The following GPR158 variants were observed in gnomAD, a reference collection of about 807,000 sequenced individuals.
GPR158 encodes G protein-coupled receptor 158.
GPR158 carries 30 observed loss-of-function variants against 78.2 expected under a neutral mutation model. The observed-to-expected ratio is 0.38, with a 90% CI of 0.29 to 0.52. GPR158 has a LOEUF of 0.52. GPR158 is among the 20% of genes least tolerant of loss of function. The probability of loss-of-function intolerance (pLI) is 0.83; values close to 1 mark genes in which losing one functional copy is unlikely to be tolerated. For missense variants in GPR158, 1,463 were observed against 1,523.5 expected, an observed-to-expected ratio of 0.96 and a Z score of 0.66; for synonymous variants, 581 against 591.1, an observed-to-expected ratio of 0.98 and a Z score of 0.25.
At chr10:25,381,853 C>A (rs1024221433) in intron 2 of GPR158, among the ~76,000 whole-genome samples, 1 of 152,160 alleles carries the variant, frequency 6.6e-6, no homozygotes, top group Admixed American at 6.5e-5. Flanking sequence ...AAATCAAGCA[C>A]ACATGAAGTT....
intron 2 of GPR158, among the ~76,000 whole-genome samples, chr10:25,281,053 T>C (rs758012772): frequency 6.6e-6 from 1 of 151,336 alleles, no homozygotes; most frequent in African/African-American, 2.4e-5. Flanking sequence ...AAGAATCGCT[T>C]GAACCTTGGA....
At chr10:25,338,481 TATACGTATA>T (rs1855250977) in intron 2 of GPR158, among the ~76,000 whole-genome samples, 1 of 129,666 alleles carries the variant, frequency 7.7e-6, no homozygotes, top group African/African-American at 3.3e-5. Context: ...ATACGTATAA[TATACGTATA>T]ATATACGTAT....
intron 7 of GPR158, among the ~76,000 whole-genome samples, 164 bp from the exon 8 acceptor site, chr10:25,588,839 CTGAA>C (rs1837303558): frequency 6.6e-6 from 1 of 152,118 alleles, no homozygotes; most frequent in Non-Finnish European, 1.5e-5. Flanking sequence ...ATTCCATAAA[CTGAA>C]TGAAATTTAA....
At chr10:25,284,905 T>C (rs1329092325) in intron 2 of GPR158, among the ~76,000 whole-genome samples, 1 of 152,128 alleles carries the variant, frequency 6.6e-6, no homozygotes, top group Non-Finnish European at 1.5e-5. Flanking sequence ...TAATTACTTC[T>C]TATTCTTTTT....
intron 6 of GPR158, among the ~76,000 whole-genome samples, chr10:25,563,532 T>C (rs1836885769): frequency 6.6e-6 from 1 of 152,212 alleles, no homozygotes; most frequent in South Asian, 2.1e-4. Flanking sequence ...GCCTGCTTGG[T>C]AAATCGATAG....
intron 8 of GPR158, among the ~76,000 whole-genome samples, chr10:25,591,021 TA>T (rs1837333244): frequency 6.6e-6 from 1 of 152,140 alleles, no homozygotes; most frequent in East Asian, 1.9e-4. Flanking sequence ...TTTAAAAGTT[TA>T]ATAAGGCAAT....
intron 7 of GPR158, among the ~76,000 whole-genome samples, chr10:25,579,211 T>C (rs1190244461): frequency 1.3e-5 from 2 of 151,892 alleles, no homozygotes; most frequent in Non-Finnish European, 2.9e-5. Flanking sequence ...CAATTGTCCA[T>C]GTTCAGGATT....
At chr10:25,293,095 T>A (rs1196820792) in intron 2 of GPR158, among the ~76,000 whole-genome samples, 3 of 152,232 alleles carry the variant, frequency 2.0e-5, no homozygotes, top group Admixed American at 2.0e-4. Flanking sequence ...TACATTGATC[T>A]CTAAATGAAG....
chr10:25,273,405 T>TTTTA (rs1854143040), intron 2 of GPR158, among the ~76,000 whole-genome samples: 1 of 142,226 alleles, frequency 7.0e-6, no homozygotes, highest in Admixed American at 6.7e-5. Context: ...GGCATCTTTT[T>TTTTA]TTTTTTTTTT....
chr10:25,298,079 C>A (rs1037893225), intron 2 of GPR158, among the ~76,000 whole-genome samples: 1 of 152,120 alleles, frequency 6.6e-6, no homozygotes, highest in Non-Finnish European at 1.5e-5. Flanking sequence ...AATATTTAAA[C>A]AATAAGTGCT....
chr10:25,470,796 AAAT>A lies in GPR158; in HGVS notation c.1404+4078_1404+4080del, dbSNP rs1332472574. 2.0e-5 allele frequency among the ~76,000 whole-genome samples: 3 copies of A among 152,310 alleles called. No individual in the cohort carries two copies. In the East Asian group the frequency reaches 5.8e-4, roughly 29 times the overall value. ...CACCTAATAAAGAATGAAATATCTG[AAAT>A]GACCTCAGTAACCTGATGAAAATTT... On this transcript the variant is annotated intron_variant, in intron 5 of 10. Coordinates refer to ENST00000376351, the MANE Select transcript of GPR158 (RefSeq NM_020752.3).
chr10:25,521,859 G>A (rs151189452), intron 5 of GPR158, among the ~76,000 whole-genome samples: 1 of 152,166 alleles, frequency 6.6e-6, no homozygotes, highest in Non-Finnish European at 1.5e-5. Flanking sequence ...GAAAACTGCT[G>A]CCAAAAGGTA....
At chr10:25,205,765 T>C (rs925551671) in intron 1 of GPR158, among the ~76,000 whole-genome samples, 3 of 152,214 alleles carry the variant, frequency 2.0e-5, no homozygotes, top group African/African-American at 7.2e-5. Flanking sequence ...TATTAATTTC[T>C]CTTTTTCTAT....
intron 1 of GPR158, among the ~76,000 whole-genome samples, chr10:25,186,349 T>C (rs1045139201): frequency 6.6e-6 from 1 of 151,924 alleles, no homozygotes; most frequent in South Asian, 2.1e-4. Context: ...AAAAGCTAGC[T>C]AAAGGCAAGA....
chr10:25,582,762 T>A (rs1235813945), intron 7 of GPR158, among the ~76,000 whole-genome samples: 1 of 152,208 alleles, frequency 6.6e-6, no homozygotes, highest in Non-Finnish European at 1.5e-5. Flanking sequence ...CAAAGGTAGA[T>A]AATCTACAAA....
At chr10:25,469,470 A>G (rs988319642) in intron 5 of GPR158, among the ~76,000 whole-genome samples, 4 of 152,160 alleles carry the variant, frequency 2.6e-5, no homozygotes, top group African/African-American at 7.2e-5. Context: ...TCTTTCTCTC[A>G]TATTAGAAAA....
intron 7 of GPR158, 57 bp from the exon 8 acceptor site, chr10:25,588,950 G>A (rs1283197624): frequency 1.6e-6 from 2 of 1,273,050 alleles, no homozygotes; most frequent in Admixed American, 4.2e-5. Flanking sequence ...GCATGCTAAA[G>A]AAGAATTTTA....
intron 2 of GPR158, among the ~76,000 whole-genome samples, chr10:25,345,964 T>C (rs1283935960): frequency 6.6e-6 from 1 of 151,914 alleles, no homozygotes; most frequent in Non-Finnish European, 1.5e-5. Context: ...CTGTGAGCAG[T>C]ATGTCCTGCT....
chr10:25,334,460 G>A (rs1855170466), intron 2 of GPR158, among the ~76,000 whole-genome samples: 1 of 152,026 alleles, frequency 6.6e-6, no homozygotes. Context: ...AAGCTTCAAT[G>A]CATATGACAA....
Sources: allele counts gnomAD v4.1 joint callset (sites outside exome capture counted in the v4.1 genomes callset), GRCh38; gene constraint gnomAD v4.1.1; transcripts MANE v1.5; gene names NCBI Gene and HGNC (gene_info 2026-07-23, HGNC 2026-07-21).